The following NAA35 variants were observed in gnomAD, a reference collection of about 807,000 sequenced individuals.
NAA35 encodes MAK10 homolog, amino-acid N-acetyltransferase subunit.
NAA35 carries 18 observed loss-of-function variants against 101.7 expected under a neutral mutation model. The ratio of observed to expected loss-of-function variants is 0.18; its 90% CI spans 0.12 to 0.26. The LOEUF (loss-of-function observed/expected upper bound fraction) is 0.26. NAA35 is among the 10% of genes least tolerant of loss of function. The pLI is 1.00. For missense variants in NAA35, 601 were observed against 886.8 expected, an observed-to-expected ratio of 0.68 and a Z score of 4.09; for synonymous variants, 267 against 273.1, an observed-to-expected ratio of 0.98 and a Z score of 0.22.
intron 12 of NAA35, among the ~76,000 whole-genome samples, 193 bp from the exon 13 acceptor site, chr9:86,003,392 T>A (rs757589062): frequency 2.6e-5 from 4 of 152,198 alleles, no homozygotes; most frequent in Non-Finnish European, 5.9e-5. Context: ...GGAAAGTTTT[T>A]AGAGTCTAGA....
Position 86,015,042 on chromosome 9 carries a change from A to T in NAA35, c.1568+1145A>T, listed in dbSNP as rs544267255. On this transcript the variant is annotated intron_variant, in intron 17 of 22. Coordinates refer to ENST00000361671, the MANE Select transcript of NAA35 (RefSeq NM_024635.4). ...GCCTCTCAAGTAGGTGGGACTACAGATGTGCACCACTGCACCTGGCTACTT... is the reference window on the plus strand; with the variant it reads ...GCCTCTCAAGTAGGTGGGACTACAGTTGTGCACCACTGCACCTGGCTACTT... Among the ~76,000 whole-genome samples the T allele has an allele frequency of 8.5e-5, 13 of 152,198 alleles. No individual in the cohort carries two copies. The East Asian group carries it at 2.5e-3, about 29-fold the overall frequency.
chr9:86,023,271 C>G lies in NAA35; in HGVS notation c.*1311C>G, dbSNP rs1459911792. Among the ~76,000 whole-genome samples, 1 of 151,988 alleles carries G rather than the reference C, an allele frequency of 6.6e-6. No homozygotes were observed. The highest frequency in any genetic ancestry group is 1.5e-5 in the Non-Finnish European group (1 of 68,012). On this transcript the variant is annotated 3_prime_UTR_variant, in exon 23 of 23. Coordinates refer to ENST00000361671, the MANE Select transcript of NAA35 (RefSeq NM_024635.4). ...AAAATTATTTTTTAAGTAGCCTGTA[C>G]AATAGAAACTTCAATTATGGAGAGA...
intron 1 of NAA35, 170 bp from the exon 2 acceptor site, chr9:85,941,985 T>C: frequency 8.1e-7 from 1 of 1,229,842 alleles, no homozygotes; most frequent in East Asian, 2.8e-5. Context: ...TGACGTGCGA[T>C]TTGATTGCAT....
At position 86,013,889 on chromosome 9, in the gene NAA35, C is replaced by T. The variant is rs778644320; in HGVS notation, c.1560C>T (p.Tyr520=). 1 of 1,598,892 alleles carries T rather than the reference C, an allele frequency of 6.3e-7. No homozygotes were observed. Among genetic ancestry groups the T allele is most frequent in the Admixed American group, 1.7e-5 (1 of 59,656 alleles). ...LELYSMHEYY[Y]IYWYLSEFLY... is the part of the protein sequence containing the mutation. ...TCTACAGTATGCACGAGTACTATTA[C>T]ATATATTGGTAAGAGCACAGTTTGA... The change falls in exon 17 of 23, where the codon TAC becomes TAT. Residue 520 remains tyrosine (Y), a synonymous_variant. Transcript: ENST00000361671.
intron 6 of NAA35, among the ~76,000 whole-genome samples, chr9:85,964,746 A>G (rs1294275319): frequency 2.0e-5 from 3 of 152,226 alleles, no homozygotes; most frequent in Non-Finnish European, 2.9e-5. Flanking sequence ...GGAATATAAC[A>G]TAAGTGATGT....
intron 17 of NAA35, 121 bp downstream of exon 17, chr9:86,014,018 G>A: frequency 2.6e-6 from 2 of 770,244 alleles, no homozygotes; most frequent in Admixed American, 3.2e-5. Flanking sequence ...TGGGACAGTT[G>A]GAAAAATTTG....
intron 21 of NAA35, among the ~76,000 whole-genome samples, chr9:86,019,505 A>G (rs1218154441): frequency 6.6e-6 from 1 of 152,228 alleles, no homozygotes; most frequent in Non-Finnish European, 1.5e-5. Context: ...TAAGTATGAA[A>G]AATGACCGGG....
In NAA35 at chr9:85,977,353, GTT is replaced by G; in HGVS notation, c.679-4_679-3del. On this transcript the variant is annotated splice_region_variant and splice_polypyrimidine_tract_variant and intron_variant, in intron 9 of 22. Transcript: ENST00000361671. ...ATCTTTTAACTTTTAGTCCTTTCTT[GTT>G]TTTTTAGCACCAACAATGTTTAGCA... 6.2e-7 allele frequency: 1 copy of G among 1,603,778 alleles called. No homozygotes were observed.
intron 15 of NAA35, among the ~76,000 whole-genome samples, chr9:86,012,410 A>G (rs1185152753): frequency 6.6e-6 from 1 of 152,150 alleles, no homozygotes; most frequent in African/African-American, 2.4e-5. Context: ...GCCCGACCCA[A>G]CTTTCCACTC....
At chr9:86,017,957 C>T (rs1007736529) in intron 19 of NAA35, among the ~76,000 whole-genome samples, 3 of 152,194 alleles carry the variant, frequency 2.0e-5, no homozygotes, top group Non-Finnish European at 2.9e-5. Flanking sequence ...GTGAGCTCCA[C>T]AACGAATGGC....
intron 6 of NAA35, among the ~76,000 whole-genome samples, chr9:85,965,361 T>G (rs1829699496): frequency 6.6e-6 from 1 of 152,210 alleles, no homozygotes; most frequent in African/African-American, 2.4e-5. Flanking sequence ...GCATGGTGGC[T>G]CATGCCTATT....
At chr9:85,961,943 T>A in intron 5 of NAA35, 70 bp from the exon 6 acceptor site, 2 of 1,300,048 alleles carry the variant, frequency 1.5e-6, no homozygotes, top group Non-Finnish European at 2.1e-6. Flanking sequence ...GGCCTTTGAC[T>A]CTAGGATCAA....
chr9:85,945,173 G>A (rs1012801145), intron 2 of NAA35, among the ~76,000 whole-genome samples: 12 of 152,084 alleles, frequency 7.9e-5, no homozygotes, highest in African/African-American at 2.9e-4. Context: ...ATAGAGAGGG[G>A]GTGACATGCC....
intron 10 of NAA35, 66 bp downstream of exon 10, chr9:85,977,512 C>G: frequency 1.7e-6 from 2 of 1,146,906 alleles, no homozygotes; most frequent in South Asian, 2.5e-5. Context: ...CTGAGTGAAG[C>G]AGTTCTGAAA....
chr9:85,943,571 C>T (rs1828616696), intron 2 of NAA35, among the ~76,000 whole-genome samples: 1 of 152,076 alleles, frequency 6.6e-6, no homozygotes, highest in Non-Finnish European at 1.5e-5. Context: ...TTTATAGCCT[C>T]AGTGAGACAG....
intron 13 of NAA35, among the ~76,000 whole-genome samples, chr9:86,004,494 C>T (rs372976067): frequency 7.3e-5 from 11 of 151,360 alleles, no homozygotes; most frequent in East Asian, 3.9e-4. Flanking sequence ...AAAAAGTCTA[C>T]GGTTAGTAAT....
In NAA35 at chr9:86,024,972, G is replaced by T. The variant is rs984493066; in HGVS notation, c.*3012G>T. Among the ~76,000 whole-genome samples the T allele has an allele frequency of 1.6e-4, 24 of 152,272 alleles. No homozygotes were observed. Among genetic ancestry groups the T allele is most frequent in the African/African-American group, 5.3e-4 (22 of 41,548 alleles). On this transcript the variant is annotated 3_prime_UTR_variant, in exon 23 of 23. Coordinates refer to ENST00000361671, the MANE Select transcript of NAA35 (RefSeq NM_024635.4). ...CTTGGGAGGGCCAGGGAATGGGGAG[G>T]CCACTGAGGTGGTGGGACAGGCTGC...
At chr9:85,958,243 A>G (rs930743498) in intron 3 of NAA35, among the ~76,000 whole-genome samples, 1 of 152,174 alleles carries the variant, frequency 6.6e-6, no homozygotes, top group Non-Finnish European at 1.5e-5. Flanking sequence ...ACCCGGCAGA[A>G]ATCTTTTTCT....
At chr9:85,982,856 T>C (rs1165358769) in intron 11 of NAA35, among the ~76,000 whole-genome samples, 51 of 152,194 alleles carry the variant, frequency 3.4e-4, no homozygotes, top group Non-Finnish European at 4.4e-5. Flanking sequence ...AAAATTATTT[T>C]AGAAGCTGGA....
Sources: gnomAD v4.1 joint callset for allele counts (sites outside exome capture counted in the v4.1 genomes callset) on GRCh38, gnomAD v4.1.1 for gene constraint, MANE v1.5 for transcripts, NCBI Gene and HGNC (gene_info 2026-07-23, HGNC 2026-07-21) for gene names.